LARP4B: variants seen among roughly 807,000 people sequenced by gnomAD.
LARP4B encodes the protein La ribonucleoprotein 4B.
LARP4B carries 12 observed loss-of-function variants against 89.8 expected under a neutral mutation model. That is an observed-to-expected ratio of 0.13 (90% CI 0.09 to 0.22). The LOEUF is 0.22. LARP4B is among the 10% of genes least tolerant of loss of function. The pLI is 1.00. For synonymous variants in LARP4B, 367 were observed against 363.3 expected (o/e 1.01, Z -0.12); for missense variants, 757 against 947.7 (o/e 0.80, Z 2.64).
the LARP4B span, among the ~76,000 whole-genome samples, chr10:980,753 G>C: frequency 6.6e-6 from 1 of 152,166 alleles, no homozygotes; most frequent in Admixed American, 6.5e-5. Context: ...GGGGCTCCTG[G>C]GAAGATCTCT....
chr10:821,919 C>A (rs1288070854), intron 13 of LARP4B, among the ~76,000 whole-genome samples: 1 of 152,190 alleles, frequency 6.6e-6, no homozygotes, highest in African/African-American at 2.4e-5. Flanking sequence ...TACTGAGCCA[C>A]AGGTGGGGCA....
intron 7 of LARP4B, among the ~76,000 whole-genome samples, chr10:842,551 A>G (rs1833575756): frequency 6.6e-6 from 1 of 152,192 alleles, no homozygotes; most frequent in Non-Finnish European, 1.5e-5. Flanking sequence ...CATAAACAGG[A>G]AGTTGCAATT....
At chr10:851,781 C>A (rs1834062950) in intron 5 of LARP4B, among the ~76,000 whole-genome samples, 2 of 152,138 alleles carry the variant, frequency 1.3e-5, no homozygotes. Context: ...AACTCCTGCC[C>A]AGGTGGGACG....
chr10:973,175 T>C, the LARP4B span, among the ~76,000 whole-genome samples: 29,209 of 151,948 alleles, frequency 0.19, 2,920 homozygotes, highest in East Asian at 0.28. Flanking sequence ...AAAGCCCTGA[T>C]GGAAATGGGC....
At chr10:962,369 C>A in the LARP4B span, among the ~76,000 whole-genome samples, 1 of 151,312 alleles carries the variant, frequency 6.6e-6, no homozygotes, top group African/African-American at 2.4e-5. Flanking sequence ...CTTCATTTAA[C>A]CTTATTACCC....
the LARP4B span, among the ~76,000 whole-genome samples, chr10:943,802 C>A: frequency 6.6e-6 from 1 of 151,718 alleles, no homozygotes; most frequent in African/African-American, 2.4e-5. Flanking sequence ...GGGAGTGCAG[C>A]GGCATTTCCG....
chr10:921,794 T>C (rs1392892439), intron 1 of LARP4B, among the ~76,000 whole-genome samples: 4 of 152,170 alleles, frequency 2.6e-5, no homozygotes, highest in Admixed American at 2.6e-4. Context: ...CCCTAAAGAA[T>C]AATGATTTCA....
At position 844,909 on chromosome 10, in the gene LARP4B, G is replaced by A; in HGVS notation, c.509+68C>T. ...TACTCCTTCATAAAATATCACATTT[G>A]TATATACTTTAACTATTTGCACAAT... On this transcript the variant is annotated intron_variant, in intron 6 of 17. Coordinates refer to ENST00000316157, the MANE Select transcript of LARP4B (RefSeq NM_015155.3). The A allele has an allele frequency of 4.4e-6, 5 of 1,142,604 alleles. No individual in the cohort carries two copies. In the South Asian group the frequency reaches 6.8e-5, roughly 16 times the overall value. 70.8% of individuals were successfully genotyped at this position (1,142,604 alleles called of 1,614,324 possible). A position where few individuals can be genotyped will look rare whatever the true frequency, so the allele number is the denominator to read the frequency against.
At chr10:815,106 C>T (rs780532464) in intron 15 of LARP4B, 36 bp from the exon 16 acceptor site, 5 of 1,521,094 alleles carry the variant, frequency 3.3e-6, no homozygotes, top group African/African-American at 2.8e-5. Flanking sequence ...CAGAGTCCTG[C>T]CGGCACTAAG....
At chr10:911,496 C>G (rs1836664511) in intron 1 of LARP4B, among the ~76,000 whole-genome samples, 1 of 152,150 alleles carries the variant, frequency 6.6e-6, no homozygotes, top group South Asian at 2.1e-4. Flanking sequence ...GAGGAAAATA[C>G]AAAACTTAAT....
At chr10:860,153 T>C (rs192120976) in intron 5 of LARP4B, among the ~76,000 whole-genome samples, 197 of 147,942 alleles carry the variant, frequency 1.3e-3, no homozygotes, top group African/African-American at 4.6e-3. Flanking sequence ...ATATGGGAGA[T>C]CTCTATACCT....
At position 813,501 on chromosome 10, in the gene LARP4B, C is replaced by T. The variant is rs781374425; in HGVS notation, c.1930-288G>A. ...CAGCCCTATGCCTGCTTGGGCAATG[C>T]GGAAGCCTAGGAAGAGTCCGGATGC... On this transcript the variant is annotated intron_variant, in intron 17 of 17. Transcript: ENST00000316157. Among the ~76,000 whole-genome samples, 4 of 152,338 alleles carry T rather than the reference C, an allele frequency of 2.6e-5. 1 individual carries two copies. The South Asian group carries it at 6.2e-4, about 24-fold the overall frequency.
intron 8 of LARP4B, among the ~76,000 whole-genome samples, chr10:832,279 G>A (rs1028698463): frequency 2.6e-4 from 39 of 152,084 alleles, no homozygotes; most frequent in African/African-American, 8.2e-4. Context: ...TCCTGACCTC[G>A]TGATCCGCCC....
chr10:949,716 C>T, the LARP4B span, among the ~76,000 whole-genome samples: 6 of 152,234 alleles, frequency 3.9e-5, no homozygotes, highest in Non-Finnish European at 7.3e-5. Context: ...GTCATTCTCT[C>T]GGACATCTCT....
the LARP4B span, among the ~76,000 whole-genome samples, chr10:968,567 A>G: frequency 1.4e-5 from 2 of 139,292 alleles, no homozygotes; most frequent in Non-Finnish European, 2.9e-5. Context: ...GAACAAAGAC[A>G]GGTCACTGAG....
the LARP4B span, among the ~76,000 whole-genome samples, chr10:984,429 A>C: frequency 2.6e-5 from 4 of 152,340 alleles, no homozygotes; most frequent in Non-Finnish European, 5.9e-5. Flanking sequence ...TTGTTCCTTT[A>C]TGGAACAGCA....
chr10:882,943 A>G (rs1301747801), intron 3 of LARP4B, among the ~76,000 whole-genome samples: 5 of 152,164 alleles, frequency 3.3e-5, no homozygotes, highest in South Asian at 4.1e-4. Context: ...CACTAAACCA[A>G]TGCAAACTCC....
chr10:903,953 T>C (rs1394944207), intron 1 of LARP4B, among the ~76,000 whole-genome samples: 1 of 151,868 alleles, frequency 6.6e-6, no homozygotes, highest in Non-Finnish European at 1.5e-5. Flanking sequence ...CATGAAATGA[T>C]ACATAAATTG....
chr10:946,695 A>C, the LARP4B span, among the ~76,000 whole-genome samples: 1 of 152,178 alleles, frequency 6.6e-6, no homozygotes, highest in Non-Finnish European at 1.5e-5. Flanking sequence ...GAAATACTGA[A>C]CTAGAAACTA....
Sources: allele counts gnomAD v4.1 joint callset (sites outside exome capture counted in the v4.1 genomes callset), GRCh38; gene constraint gnomAD v4.1.1; transcripts MANE v1.5; gene names NCBI Gene and HGNC (gene_info 2026-07-23, HGNC 2026-07-21).